The following GCSAM variants were observed in gnomAD, a reference collection of about 807,000 sequenced individuals.
The protein encoded by GCSAM is germinal center associated signaling and motility, also known as germinal center-associated signaling and motility protein.
Under a neutral mutation model 17.6 loss-of-function variants are expected in GCSAM, and 8 were observed. The observed-to-expected ratio is 0.46, with a 90% CI of 0.27 to 0.82. The LOEUF (loss-of-function observed/expected upper bound fraction) is 0.82. Among genes scored for constraint, GCSAM ranks in the 40% least tolerant of loss-of-function variants. The pLI, the probability that GCSAM is intolerant of heterozygous loss-of-function variation, is 0.15. For synonymous variants in GCSAM, 68 were observed against 69.0 expected, an observed-to-expected ratio of 0.98 and a Z score of 0.07; for missense variants, 192 against 213.5, an observed-to-expected ratio of 0.90 and a Z score of 0.63.
In GCSAM at chr3:112,122,202, C is replaced by G. The variant is rs1229029190; in HGVS notation, c.*1253G>C. On this transcript the variant is annotated 3_prime_UTR_variant, in exon 6 of 6. Transcript: ENST00000308910. The stretch of plus-strand genomic sequence containing the variant: ...TGTTAAGTTTCTCTCAAACTATAAT[C>G]ATTTAGGGCAGGTGTCTGCAAACTT... 1 of 152,220 alleles carries G rather than the reference C, an allele frequency of 6.6e-6. No homozygotes were observed. Among genetic ancestry groups the G allele is most frequent in the African/African-American group, 2.4e-5 (1 of 41,458 alleles). 9.4% of individuals were successfully genotyped at this position (152,220 alleles called of 1,614,324 possible).
Position 112,122,503 on chromosome 3 carries a change from G to C in GCSAM, c.*952C>G, listed in dbSNP as rs1321203718. On this transcript the variant is annotated 3_prime_UTR_variant, in exon 6 of 6. Transcript: ENST00000308910. ...AAAGTAAATAATCAGGACACATAGA[G>C]GAGTGCTTATCAGAGAAGGTATATA... 1 of 152,130 alleles carries C rather than the reference G, an allele frequency of 6.6e-6. No homozygotes were observed. Among genetic ancestry groups the C allele is most frequent in the East Asian group, 1.9e-4 (1 of 5,196 alleles). 9.4% of individuals were successfully genotyped at this position (152,130 alleles called of 1,614,324 possible).
chr3:112,122,314 A>C lies in GCSAM; in HGVS notation c.*1141T>G, dbSNP rs2074216037. 6.6e-6 allele frequency: 1 copy of C among 152,208 alleles called. No individual in the cohort carries two copies. Among genetic ancestry groups the C allele is most frequent in the Admixed American group, 6.5e-5 (1 of 15,278 alleles). The allele number at this position is 152,208 out of a possible 1,614,324, so 9.4% of individuals were successfully genotyped here. A position where few individuals can be genotyped will look rare whatever the true frequency, so the allele number is the denominator to read the frequency against. ...CAATTACTCAACTCTCCCATGGTTG[A>C]ACAATCATAGATAGTAGGTAAACAA... On this transcript the variant is annotated 3_prime_UTR_variant, in exon 6 of 6. Transcript: ENST00000308910.
At chr3:112,129,890 C>T (rs1324552927) in intron 2 of GCSAM, 1 of 152,472 alleles carries the variant, frequency 6.6e-6, no homozygotes, top group African/African-American at 2.4e-5. Flanking sequence ...ATTCTTGGAT[C>T]CTGGAACATT....
intron 4 of GCSAM, among the ~76,000 whole-genome samples, chr3:112,126,308 C>G (rs1216050338): frequency 6.6e-6 from 1 of 152,152 alleles, no homozygotes; most frequent in Non-Finnish European, 1.5e-5. Context: ...AAGGAAAAGT[C>G]AAAACTCTTC....
At chr3:112,125,048 G>A (rs1386287292) in intron 5 of GCSAM, among the ~76,000 whole-genome samples, 178 bp downstream of exon 5, 1 of 152,150 alleles carries the variant, frequency 6.6e-6, no homozygotes, top group Non-Finnish European at 1.5e-5. Flanking sequence ...CAGCAGAAGT[G>A]GCTGCTGCTT....
rs745789807 is a variant in GCSAM at position 112,133,166 on chromosome 3, C to T, written c.-46G>A. 3 of 1,608,538 alleles carry T rather than the reference C, an allele frequency of 1.9e-6. No individual in the cohort carries two copies. Among genetic ancestry groups the T allele is most frequent in the South Asian group, 1.1e-5 (1 of 90,922 alleles). On this transcript the variant is annotated 5_prime_UTR_variant, in exon 1 of 6. Coordinates refer to ENST00000308910, the MANE Select transcript of GCSAM (RefSeq NM_152785.5). ...TTCCCCTCCGTCCCTTTACCACTTCCTTCTTGCCTTGTGCTCTGACAGGGC... is the reference window on the plus strand; with the variant it reads ...TTCCCCTCCGTCCCTTTACCACTTCTTTCTTGCCTTGTGCTCTGACAGGGC...
chr3:112,124,454 C>T (rs1441485027), intron 5 of GCSAM, among the ~76,000 whole-genome samples: 1 of 152,034 alleles, frequency 6.6e-6, no homozygotes, highest in Non-Finnish European at 1.5e-5. Context: ...ACTGAAAATA[C>T]AAAAATTAGC....
At chr3:112,128,413 A>AT in intron 2 of GCSAM, 1 of 400,982 alleles carries the variant, frequency 2.5e-6, no homozygotes, top group Non-Finnish European at 4.7e-6. Context: ...TTTACAAATC[A>AT]TTTTTTTCAG....
chr3:112,128,461 G>A, intron 2 of GCSAM: 1 of 343,194 alleles, frequency 2.9e-6, no homozygotes, highest in Non-Finnish European at 5.7e-6. Flanking sequence ...ACTATATTCT[G>A]AATTTCTCCA....
At chr3:112,132,315 C>T (rs2074475909) in intron 1 of GCSAM, among the ~76,000 whole-genome samples, 1 of 152,130 alleles carries the variant, frequency 6.6e-6, no homozygotes, top group Admixed American at 6.5e-5. Flanking sequence ...GGATTCCAAA[C>T]ATAACCCTGT....
chr3:112,133,043 A>T (rs879652), intron 1 of GCSAM, 49 bp downstream of exon 1: 1 of 1,580,646 alleles, frequency 6.3e-7, no homozygotes, highest in Non-Finnish European at 8.7e-7. Context: ...TCCTTGCTGT[A>T]TTGTCCTGTC....
intron 5 of GCSAM, 101 bp from the exon 6 acceptor site, chr3:112,123,873 T>C: frequency 1.6e-6 from 2 of 1,227,692 alleles, no homozygotes; most frequent in East Asian, 2.4e-5. Flanking sequence ...GTCTGTCTTC[T>C]ATGACCACCT....
rs981654191 is a variant in GCSAM, at chr3:112,120,908, T to A, written c.*2547A>T. 1 of 152,190 alleles carries A rather than the reference T, an allele frequency of 6.6e-6. No homozygotes were observed. The highest frequency in any genetic ancestry group is 1.5e-5 in the Non-Finnish European group (1 of 68,032). The allele number at this position is 152,190 out of a possible 1,614,324, so 9.4% of individuals were successfully genotyped here. A position where few individuals can be genotyped will look rare whatever the true frequency, so the allele number is the denominator to read the frequency against. ...CTACATATTAAGTATATTACACTCA[T>A]ATCAGAATTTTTTAACTCTTTTTTT... On this transcript the variant is annotated 3_prime_UTR_variant, in exon 6 of 6. Coordinates refer to ENST00000308910, the MANE Select transcript of GCSAM (RefSeq NM_152785.5).
intron 2 of GCSAM, chr3:112,129,664 C>T (rs552587834): frequency 6.6e-6 from 1 of 152,204 alleles, no homozygotes; most frequent in African/African-American, 2.4e-5. Flanking sequence ...CCAATGATAC[C>T]CCTGAAAATA....
At chr3:112,131,972 A>T (rs1044748091) in intron 1 of GCSAM, among the ~76,000 whole-genome samples, 21 of 152,174 alleles carry the variant, frequency 1.4e-4, no homozygotes, top group African/African-American at 4.8e-4. Flanking sequence ...AAATTTTTTT[A>T]AAGTTTTTTT....
Position 112,123,724 on chromosome 3 carries a change from T to C in GCSAM, c.268A>G (p.Asn90Asp), listed in dbSNP as rs1237759523. ...GGCCTTGTACAGAGAACCCGATGAT[T>C]GATGAGGGTATAGCACAGCTCCTCT... ...YSEELCYTLI[N>D]HRVLCTRPSG... is the part of the protein sequence containing the mutation. The change falls in exon 6 of 6, where the codon AAT becomes GAT. Residue 90 changes from asparagine (N) to aspartate (D), a missense_variant. Transcript: ENST00000308910. 1 of 1,613,842 alleles carries C rather than the reference T, an allele frequency of 6.2e-7. No homozygotes were observed. The highest frequency in any genetic ancestry group is 1.3e-5 in the African/African-American group (1 of 74,922).
rs1462574113 is a variant in GCSAM, at chr3:112,132,600, G to A, written c.29+492C>T. ...GCTGAGGTCCAGAAAGTAAATCTGA[G>A]TTCTGTGCCTATTTAATCTAGATGA... On this transcript the variant is annotated intron_variant, in intron 1 of 5. Coordinates refer to ENST00000308910, the MANE Select transcript of GCSAM (RefSeq NM_152785.5). 14 of 966,268 alleles carry A rather than the reference G, an allele frequency of 1.4e-5. No homozygotes were observed. In the Admixed American group the frequency reaches 3.1e-4, roughly 21 times the overall value. The allele number at this position is 966,268 out of a possible 1,614,324, so 59.9% of individuals were successfully genotyped here.
rs891320275 is a variant in GCSAM, at chr3:112,133,007, A to C, written c.29+85T>G. The C allele has an allele frequency of 1.6e-5, 22 of 1,389,382 alleles. No homozygotes were observed. In the Admixed American group the frequency reaches 3.6e-4, roughly 23 times the overall value. The allele number at this position is 1,389,382 out of a possible 1,614,324, so 86.1% of individuals were successfully genotyped here. ...CTTTCTACCCCAACTTAGTGTGCTA[A>C]CTGTATACTAGCTTTCTTTTTCTCT... On this transcript the variant is annotated intron_variant, in intron 1 of 5. Transcript: ENST00000308910.
chr3:112,128,406 A>G, intron 2 of GCSAM: 1 of 415,746 alleles, frequency 2.4e-6, no homozygotes. Flanking sequence ...TGGAAATTTT[A>G]CAAATCATTT....
Sources: allele counts gnomAD v4.1 joint callset (sites outside exome capture counted in the v4.1 genomes callset), GRCh38; gene constraint gnomAD v4.1.1; transcripts MANE v1.5; gene names NCBI Gene and HGNC (gene_info 2026-07-23, HGNC 2026-07-21).